FAM81A: variants seen among roughly 807,000 people sequenced by gnomAD.
The protein encoded by FAM81A is family with sequence similarity 81 member A.
In FAM81A, 19 loss-of-function variants were observed where a neutral mutation model predicts 46.7. The observed-to-expected ratio is 0.41, with a 90% CI of 0.28 to 0.60. The LOEUF is 0.60. Among genes scored for constraint, FAM81A ranks in the 20% least tolerant of loss-of-function variants. The pLI, the probability that FAM81A is intolerant of heterozygous loss-of-function variation, is 0.34. For synonymous variants in FAM81A, 183 were observed against 152.9 expected (o/e 1.20, Z -1.45); for missense variants, 377 against 453.5 (o/e 0.83, Z 1.53).
chr15:59,411,356 CAA>C (rs1251518880), intron 2 of FAM81A, among the ~76,000 whole-genome samples: 1 of 152,024 alleles, frequency 6.6e-6, no homozygotes, highest in Admixed American at 6.5e-5. Context: ...ATAGCAGAAA[CAA>C]AGAGGTATAT....
chr15:59,484,818 TG>T (rs2141726433), intron 3 of FAM81A, among the ~76,000 whole-genome samples: 1 of 152,262 alleles, frequency 6.6e-6, no homozygotes, highest in Non-Finnish European at 1.5e-5. Flanking sequence ...AGAAGTCTTT[TG>T]GGGTCCCTGA....
rs185139013 is a variant in FAM81A, at chr15:59,442,763, C to T, written c.-78+4481C>T. ...TACCTTTCTCGCTCTATCCTATTCT[C>T]TCATTCTCTCTCTGTGTGTCTGTGT... is the stretch of plus-strand genomic sequence containing the variant. On this transcript the variant is annotated intron_variant, in intron 1 of 8. Coordinates refer to ENST00000288228, the MANE Select transcript of FAM81A (RefSeq NM_152450.3). Among the ~76,000 whole-genome samples, 629 of 152,038 alleles carry T rather than the reference C, an allele frequency of 4.1e-3. 1 individual carries two copies. The highest frequency in any genetic ancestry group is 7.2e-3 in the Non-Finnish European group (489 of 68,008).
chr15:59,428,884 G>A (rs571799701), intron 2 of FAM81A, among the ~76,000 whole-genome samples: 11 of 152,132 alleles, frequency 7.2e-5, no homozygotes, highest in African/African-American at 1.2e-4. Flanking sequence ...GCCTGCCTCC[G>A]CCTCTGAAAG....
At chr15:59,409,989 C>G (rs917110590) in intron 2 of FAM81A, among the ~76,000 whole-genome samples, 3 of 152,036 alleles carry the variant, frequency 2.0e-5, no homozygotes, top group African/African-American at 7.2e-5. Flanking sequence ...GAAATCAGTA[C>G]TATTATTATA....
chr15:59,508,822 G>A (rs757249186), intron 5 of FAM81A, 41 bp from the exon 6 acceptor site: 2 of 1,468,556 alleles, frequency 1.4e-6, no homozygotes, highest in African/African-American at 2.8e-5. Context: ...TGCATCTGAA[G>A]ACGTTAGATG....
chr15:59,405,467 C>T (rs1269596614), intron 2 of FAM81A, among the ~76,000 whole-genome samples: 1 of 151,962 alleles, frequency 6.6e-6, no homozygotes, highest in African/African-American at 2.4e-5. Context: ...ATGGCAAAAC[C>T]CCGTCTGTAC....
intron 2 of FAM81A, among the ~76,000 whole-genome samples, chr15:59,426,608 G>A (rs1469377007): frequency 1.3e-5 from 2 of 152,308 alleles, no homozygotes; most frequent in East Asian, 3.9e-4. Flanking sequence ...GCGAAACTCT[G>A]TCTCAAAAAC....
chr15:59,517,928 A>G (rs1342792654), intron 8 of FAM81A, among the ~76,000 whole-genome samples: 1 of 152,096 alleles, frequency 6.6e-6, no homozygotes, highest in African/African-American at 2.4e-5. Flanking sequence ...TTAAAAAATA[A>G]AGCCATTTTC....
chr15:59,477,926 A>G (rs868759452), intron 3 of FAM81A, among the ~76,000 whole-genome samples: 4 of 152,212 alleles, frequency 2.6e-5, no homozygotes, highest in Admixed American at 6.5e-5. Flanking sequence ...TTCCTCAGAA[A>G]CTTTCCACCA....
At chr15:59,513,178 G>C (rs1187545216) in intron 6 of FAM81A, among the ~76,000 whole-genome samples, 1 of 152,158 alleles carries the variant, frequency 6.6e-6, no homozygotes, top group Non-Finnish European at 1.5e-5. Context: ...ATTTGGGAAG[G>C]GAGAGGAATG....
upstream of FAM81A, among the ~76,000 whole-genome samples, chr15:59,435,019 T>C (rs2081237045): frequency 6.6e-6 from 1 of 152,244 alleles, no homozygotes; most frequent in Admixed American, 6.5e-5. Context: ...CCGGGCTTGG[T>C]GGCTTATGCC....
upstream of FAM81A, among the ~76,000 whole-genome samples, chr15:59,435,875 G>C (rs145184728): frequency 6.6e-6 from 1 of 152,144 alleles, no homozygotes; most frequent in Non-Finnish European, 1.5e-5. Flanking sequence ...GGAAAAAATG[G>C]ATATTTCGTT....
chr15:59,444,543 A>C (rs1262774887), intron 1 of FAM81A, among the ~76,000 whole-genome samples: 1 of 152,226 alleles, frequency 6.6e-6, no homozygotes, highest in Non-Finnish European at 1.5e-5. Context: ...GAGCAGCTGA[A>C]TGTGAGAGGA....
intron 3 of FAM81A, among the ~76,000 whole-genome samples, chr15:59,478,612 A>C (rs113704159): frequency 1.3e-5 from 2 of 152,174 alleles, no homozygotes; most frequent in South Asian, 4.1e-4. Flanking sequence ...TGAAACAGGT[A>C]TATCAGCGGA....
intron 1 of FAM81A, among the ~76,000 whole-genome samples, chr15:59,439,411 G>A (rs554051972): frequency 2.0e-5 from 3 of 152,034 alleles, no homozygotes; most frequent in African/African-American, 7.2e-5. Flanking sequence ...TGTGTGTTGG[G>A]GGGGGCGGGT....
At chr15:59,490,583 G>A (rs532828447) in intron 3 of FAM81A, among the ~76,000 whole-genome samples, 2 of 152,304 alleles carry the variant, frequency 1.3e-5, no homozygotes, top group African/African-American at 4.8e-5. Context: ...TGTAATCCCA[G>A]CACTTTGGGA....
chr15:59,402,780 C>A (rs2081077742), intron 2 of FAM81A, among the ~76,000 whole-genome samples: 1 of 152,106 alleles, frequency 6.6e-6, no homozygotes. Flanking sequence ...TCTCGAACTC[C>A]TGGCCTCAAG....
At chr15:59,425,061 A>G (rs2081189430) in intron 2 of FAM81A, among the ~76,000 whole-genome samples, 1 of 151,838 alleles carries the variant, frequency 6.6e-6, no homozygotes, top group Non-Finnish European at 1.5e-5. Flanking sequence ...TTTTAATTTT[A>G]TTTTATAGAG....
At chr15:59,451,453 AT>A (rs11287400) in intron 1 of FAM81A, among the ~76,000 whole-genome samples, 103,764 of 139,536 alleles carry the variant, frequency 0.74, 38,129 homozygotes, top group East Asian at 0.83. Context: ...AACACCAATA[AT>A]TTTTTTTTTT....
Sources: allele counts gnomAD v4.1 joint callset (sites outside exome capture counted in the v4.1 genomes callset), GRCh38; gene constraint gnomAD v4.1.1; transcripts MANE v1.5; gene names NCBI Gene and HGNC (gene_info 2026-07-23, HGNC 2026-07-21).